PCDHGA5: variants seen among roughly 807,000 people sequenced by gnomAD.
PCDHGA5 encodes protocadherin gamma-A5.
A neutral mutation model predicts 56.7 loss-of-function variants in PCDHGA5; 36 were observed. The ratio of observed to expected loss-of-function variants is 0.64; its 90% CI spans 0.49 to 0.84. The LOEUF (loss-of-function observed/expected upper bound fraction) is 0.84. PCDHGA5 is among the 40% of genes least tolerant of loss of function. The pLI is 0.00. For synonymous variants in PCDHGA5, 563 were observed against 520.2 expected (o/e 1.08, Z -1.12); for missense variants, 1,305 against 1,201.5 (o/e 1.09, Z -1.27).
At chr5:141,419,151 C>A in intron 1 of PCDHGA5, 1 of 1,613,918 alleles carries the variant, frequency 6.2e-7, no homozygotes. Context: ...GGCAAGCCTC[C>A]GTTATCCTCC....
At chr5:141,380,859 A>G (rs1428223236) in intron 1 of PCDHGA5, among the ~76,000 whole-genome samples, 1 of 152,262 alleles carries the variant, frequency 6.6e-6, no homozygotes, top group Non-Finnish European at 1.5e-5. Context: ...AGACATTGAG[A>G]GCTATAACCT....
In PCDHGA5 at chr5:141,489,610, C is replaced by A; in HGVS notation, c.2422-5197C>A. 6.2e-7 allele frequency: 1 copy of A among 1,614,090 alleles called. No individual in the cohort carries two copies. Among genetic ancestry groups the A allele is most frequent in the Non-Finnish European group, 8.5e-7 (1 of 1,179,990 alleles). ...GCTAATCCGTGTAGAGGTAGAGATCCTGGATCTCAATGACAACTCTCCTAG... is the reference window on the plus strand; with the variant it reads ...GCTAATCCGTGTAGAGGTAGAGATCATGGATCTCAATGACAACTCTCCTAG... On this transcript the variant is annotated intron_variant, in intron 1 of 3. Transcript: ENST00000518069. The surrounding 1 kb of genome is among the most constrained non-coding windows in gnomAD (Gnocchi z 4.5).
chr5:141,412,093 GCA>G (rs1252719565), intron 1 of PCDHGA5: 2 of 152,146 alleles, frequency 1.3e-5, no homozygotes, highest in Non-Finnish European at 2.9e-5. Flanking sequence ...GGGTTGATGG[GCA>G]CACACAGTTG....
At chr5:141,372,866 T>A in intron 1 of PCDHGA5, 1 of 1,393,006 alleles carries the variant, frequency 7.2e-7, no homozygotes, top group Non-Finnish European at 9.6e-7. Context: ...ATTCATTGAT[T>A]TAGAGATAAA....
At chr5:141,430,217 T>C (rs1055487905) in intron 1 of PCDHGA5, among the ~76,000 whole-genome samples, 1 of 150,102 alleles carries the variant, frequency 6.7e-6, no homozygotes, top group Non-Finnish European at 1.5e-5. Context: ...TATTATATTA[T>C]ATGATTTGTC....
chr5:141,419,566 C>T (rs765992004), intron 1 of PCDHGA5: 4 of 1,611,790 alleles, frequency 2.5e-6, no homozygotes, highest in East Asian at 2.2e-5. Flanking sequence ...CGCTGGGTCC[C>T]GACGGCTCCG....
At chr5:141,410,847 G>GTT (rs773839667) in intron 1 of PCDHGA5, 4 of 158,332 alleles carry the variant, frequency 2.5e-5, no homozygotes, top group South Asian at 1.1e-4. Flanking sequence ...TTTTGTCTTT[G>GTT]TCTTTTTTTT....
intron 1 of PCDHGA5, chr5:141,414,450 A>C (rs759840643): frequency 9.3e-6 from 15 of 1,613,772 alleles, no homozygotes. Context: ...ACAATATCAC[A>C]GTGACAGCCA....
At chr5:141,390,414 G>A in intron 1 of PCDHGA5, 1 of 1,159,988 alleles carries the variant, frequency 8.6e-7, no homozygotes, top group Non-Finnish European at 1.2e-6. Context: ...GTTGTAGTCA[G>A]TTAAAAAGCT....
Position 141,376,335 on chromosome 5 carries a change from A to G in PCDHGA5, c.2421+9584A>G, listed in dbSNP as rs754863044. On this transcript the variant is annotated intron_variant, in intron 1 of 3. Coordinates refer to ENST00000518069, the MANE Select transcript of PCDHGA5 (RefSeq NM_018918.3). ...GTGGAAGGGGTTCGGGCTTTCCTGCAGACCTATTCCCACGAGGTCTCACTC... is the reference window on the plus strand; with the variant it reads ...GTGGAAGGGGTTCGGGCTTTCCTGCGGACCTATTCCCACGAGGTCTCACTC... 9 of 1,614,080 alleles carry G rather than the reference A, an allele frequency of 5.6e-6. No individual in the cohort carries two copies. The East Asian group carries it at 6.7e-5, about 12-fold the overall frequency.
chr5:141,455,632 TG>T (rs1394377963), intron 1 of PCDHGA5, among the ~76,000 whole-genome samples: 1 of 151,924 alleles, frequency 6.6e-6, no homozygotes, highest in African/African-American at 2.4e-5. Flanking sequence ...TGGAGATATG[TG>T]GGGGGCAGCC....
intron 1 of PCDHGA5, among the ~76,000 whole-genome samples, chr5:141,467,814 A>G (rs2099152300): frequency 6.6e-6 from 1 of 151,978 alleles, no homozygotes; most frequent in Non-Finnish European, 1.5e-5. Flanking sequence ...ACATGCCACC[A>G]CACCAGGCTG....
rs774333465 is a variant in PCDHGA5 at position 141,365,744 on chromosome 5, T to A, written c.1414T>A (p.Phe472Ile). The change falls in exon 1 of 4, where the codon TTC (phenylalanine) becomes ATC (isoleucine). Residue 472 changes from phenylalanine (F) to isoleucine (I), a missense_variant. Transcript: ENST00000518069. ...TENNPRGVSI[F>I]SVTAHDPDSG... Reference sequence around the variant, plus strand: ...AAACAATCCCAGAGGTGTCTCTATCTTCTCTGTGACAGCCCATGACCCCGA... The same window carrying A: ...AAACAATCCCAGAGGTGTCTCTATCATCTCTGTGACAGCCCATGACCCCGA... 3.7e-6 allele frequency: 6 copies of A among 1,613,660 alleles called. No homozygotes were observed. Among genetic ancestry groups the A allele is most frequent in the Non-Finnish European group, 4.2e-6 (5 of 1,179,882 alleles).
chr5:141,383,295 A>G, intron 1 of PCDHGA5: 1 of 1,613,982 alleles, frequency 6.2e-7, no homozygotes, highest in Non-Finnish European at 8.5e-7. Context: ...ACGTTCCAAG[A>G]TTCTTGACGG....
chr5:141,508,062 C>T (rs910730855), intron 3 of PCDHGA5: 2 of 152,316 alleles, frequency 1.3e-5, no homozygotes, highest in African/African-American at 4.8e-5. Flanking sequence ...TAATCAGCCT[C>T]CTTGGGCTAC....
chr5:141,485,454 C>T lies in PCDHGA5; in HGVS notation c.2422-9353C>T. On this transcript the variant is annotated intron_variant, in intron 1 of 3. Transcript: ENST00000518069. This position sits in a 1 kb window ranked among gnomAD's most constrained non-coding sequence, Gnocchi z 5.7. Reference sequence around the variant, plus strand: ...ATCAAGAACCCAATCGACCGAGAGGCACTGTGTGGGCTCAGTGCCAGCTGC... The same window carrying T: ...ATCAAGAACCCAATCGACCGAGAGGTACTGTGTGGGCTCAGTGCCAGCTGC... The T allele has an allele frequency of 6.2e-7, 1 of 1,614,162 alleles. No homozygotes were observed. Among genetic ancestry groups the T allele is most frequent in the East Asian group, 2.2e-5 (1 of 44,868 alleles).
chr5:141,366,806 TC>T, intron 1 of PCDHGA5, 55 bp downstream of exon 1: 1 of 1,560,888 alleles, frequency 6.4e-7, no homozygotes, highest in Admixed American at 1.9e-5. Flanking sequence ...GTTTCCTTTT[TC>T]ATGTTTCTGT....
intron 1 of PCDHGA5, among the ~76,000 whole-genome samples, chr5:141,463,539 C>T (rs1408887405): frequency 6.7e-6 from 1 of 148,606 alleles, no homozygotes; most frequent in Admixed American, 6.8e-5. Context: ...AACTCCGGCT[C>T]CCGGGTTCAT....
chr5:141,511,328 A>G lies in PCDHGA5; in HGVS notation c.*155A>G. On this transcript the variant is annotated 3_prime_UTR_variant, in exon 4 of 4. Transcript: ENST00000518069. Reference sequence around the variant, plus strand: ...CCTTGGGAAACAGAAACAAGTGCCCAGTCAGCACCTACCCCTTCCCCCCCA... The same window carrying G: ...CCTTGGGAAACAGAAACAAGTGCCCGGTCAGCACCTACCCCTTCCCCCCCA... The G allele has an allele frequency of 6.9e-7, 1 of 1,456,862 alleles. No individual in the cohort carries two copies. Among genetic ancestry groups the G allele is most frequent in the Non-Finnish European group, 9.1e-7 (1 of 1,093,622 alleles). 90.2% of individuals were successfully genotyped at this position (1,456,862 alleles called of 1,614,324 possible).
Sources: gnomAD v4.1 joint callset for allele counts (sites outside exome capture counted in the v4.1 genomes callset) on GRCh38, gnomAD v4.1.1 for gene constraint, Gnocchi (gnomAD v3.1) non-coding constraint, MANE v1.5 for transcripts, NCBI Gene and HGNC (gene_info 2026-07-23, HGNC 2026-07-21) for gene names.